The following FSTL5 variants were observed in gnomAD, a reference collection of about 807,000 sequenced individuals.
The protein encoded by FSTL5 is follistatin like 5.
In FSTL5, 62 loss-of-function variants were observed where a neutral mutation model predicts 89.1. The observed-to-expected ratio is 0.70, with a 90% CI of 0.57 to 0.86. The LOEUF (loss-of-function observed/expected upper bound fraction) is 0.86, where lower values mean the gene tolerates loss of function less well. Among genes scored for constraint, FSTL5 ranks in the 40% least tolerant of loss-of-function variants. The pLI, the probability that FSTL5 is intolerant of heterozygous loss-of-function variation, is 0.00. For missense variants in FSTL5, 1,057 were observed against 1,001.6 expected (o/e 1.06, Z -0.75); for synonymous variants, 383 against 346.2 (o/e 1.11, Z -1.18).
At chr4:161,591,171 T>C (rs946080014) in intron 7 of FSTL5, among the ~76,000 whole-genome samples, 2 of 152,158 alleles carry the variant, frequency 1.3e-5, no homozygotes, top group African/African-American at 4.8e-5. Context: ...TTTGCATGAA[T>C]CTTGAAATTA....
At position 161,400,802 on chromosome 4, in the gene FSTL5, A is replaced by T. The variant is rs1731157925; in HGVS notation, c.1842-14353T>A. 2.0e-5 allele frequency among the ~76,000 whole-genome samples: 3 copies of T among 152,126 alleles called. No homozygotes were observed. The South Asian group carries it at 6.2e-4, about 31-fold the overall frequency. On this transcript the variant is annotated intron_variant, in intron 15 of 15. Transcript: ENST00000306100. Reference sequence around the variant, plus strand: ...ATTTTAGTAAATAGCAGTGTACATGAGAAAACAATTCTATGGTAAAATTGG... The same window carrying T: ...ATTTTAGTAAATAGCAGTGTACATGTGAAAACAATTCTATGGTAAAATTGG...
chr4:161,788,144 G>A lies in FSTL5; in HGVS notation c.410-12070C>T, dbSNP rs1024364563. Among the ~76,000 whole-genome samples the A allele has an allele frequency of 1.2e-4, 18 of 152,162 alleles. No individual in the cohort carries two copies. The South Asian group carries it at 1.2e-3, about 11-fold the overall frequency. ...AGTTTTATTGGTTTTTAATTGACAC[G>A]TAATAATTGTACATCTTTATGGGTA... On this transcript the variant is annotated intron_variant, in intron 4 of 15. Transcript: ENST00000306100.
At chr4:161,639,579 C>T (rs1359840918) in intron 7 of FSTL5, among the ~76,000 whole-genome samples, 1 of 152,154 alleles carries the variant, frequency 6.6e-6, no homozygotes, top group Non-Finnish European at 1.5e-5. Flanking sequence ...GTCTCTACAC[C>T]TAGACAATAA....
At position 162,113,773 on chromosome 4, in the gene FSTL5, C is replaced by T. The variant is rs188926399; in HGVS notation, c.-16-2361G>A. Among the ~76,000 whole-genome samples, 158 of 152,280 alleles carry T rather than the reference C, an allele frequency of 1.0e-3. 1 individual carries two copies. The highest frequency in any genetic ancestry group is 3.7e-3 in the African/African-American group (153 of 41,562). The stretch of plus-strand genomic sequence containing the variant: ...CATTTATCACCCAAAAACTTTCACA[C>T]ATCAGACATTTCTCTCAAGAATCCC... On this transcript the variant is annotated intron_variant, in intron 1 of 15. Coordinates refer to ENST00000306100, the MANE Select transcript of FSTL5 (RefSeq NM_020116.5).
chr4:161,642,448 C>T (rs1401365879), intron 7 of FSTL5, among the ~76,000 whole-genome samples: 6 of 151,940 alleles, frequency 3.9e-5, no homozygotes, highest in African/African-American at 1.5e-4. Context: ...CTATAAAAGA[C>T]TCACTTTAGA....
chr4:162,108,524 T>G (rs948238678), intron 2 of FSTL5, among the ~76,000 whole-genome samples: 3 of 151,926 alleles, frequency 2.0e-5, no homozygotes, highest in Non-Finnish European at 4.4e-5. Context: ...ATTTTATACT[T>G]TTCTAGTCAA....
At chr4:161,497,270 T>G (rs1730117354) in intron 12 of FSTL5, among the ~76,000 whole-genome samples, 1 of 152,120 alleles carries the variant, frequency 6.6e-6, no homozygotes, top group South Asian at 2.1e-4. Flanking sequence ...AAAATGAGTT[T>G]AATTTACTCT....
chr4:161,706,445 T>A (rs181226786), intron 6 of FSTL5, among the ~76,000 whole-genome samples: 52 of 152,156 alleles, frequency 3.4e-4, no homozygotes, highest in Non-Finnish European at 6.0e-4. Context: ...ATAAAAACGT[T>A]ATTGAATTAT....
chr4:161,717,028 G>A (rs907396638), intron 6 of FSTL5, among the ~76,000 whole-genome samples: 7 of 152,070 alleles, frequency 4.6e-5, no homozygotes, highest in Non-Finnish European at 1.0e-4. Flanking sequence ...AAATATTGTT[G>A]GTTTTTATCT....
At chr4:161,831,041 C>G (rs1446382181) in intron 4 of FSTL5, among the ~76,000 whole-genome samples, 2 of 151,770 alleles carry the variant, frequency 1.3e-5, no homozygotes, top group African/African-American at 4.8e-5. Context: ...ACTTTCATGT[C>G]CTTCCAGTAA....
intron 6 of FSTL5, among the ~76,000 whole-genome samples, chr4:161,699,754 C>T (rs1316789608): frequency 2.6e-5 from 4 of 152,156 alleles, no homozygotes; most frequent in African/African-American, 9.6e-5. Context: ...ATGGTGTTAC[C>T]ACGTATTTTT....
intron 2 of FSTL5, among the ~76,000 whole-genome samples, chr4:162,063,010 C>CT (rs984479365): frequency 7.9e-5 from 12 of 151,440 alleles, no homozygotes; most frequent in African/African-American, 2.9e-4. Context: ...TTAAATTGTG[C>CT]TTTTTTCCTT....
intron 6 of FSTL5, among the ~76,000 whole-genome samples, chr4:161,735,157 C>T (rs375153033): frequency 3.9e-4 from 60 of 152,256 alleles, no homozygotes; most frequent in African/African-American, 1.4e-3. Context: ...GAACTGCTCA[C>T]ATAACTCAGG....
chr4:161,570,521 C>T (rs1170128277), intron 8 of FSTL5, among the ~76,000 whole-genome samples: 1 of 152,076 alleles, frequency 6.6e-6, no homozygotes, highest in Non-Finnish European at 1.5e-5. Flanking sequence ...CAAAGTCTGG[C>T]TTTTAATCTG....
intron 3 of FSTL5, among the ~76,000 whole-genome samples, chr4:161,948,208 G>A (rs1248914394): frequency 1.3e-5 from 2 of 151,152 alleles, no homozygotes; most frequent in African/African-American, 2.4e-5. Context: ...GCTTGAGCCT[G>A]GGAGTTTGAG....
chr4:161,897,595 GA>G (rs1331276972), intron 4 of FSTL5, among the ~76,000 whole-genome samples: 127 of 128,556 alleles, frequency 9.9e-4, no homozygotes, highest in African/African-American at 2.8e-3. Context: ...AAAAAAAAAA[GA>G]AAAAAAATAT....
At chr4:161,451,798 C>T (rs1205356129) in intron 15 of FSTL5, among the ~76,000 whole-genome samples, 1 of 152,182 alleles carries the variant, frequency 6.6e-6, no homozygotes, top group South Asian at 2.1e-4. Flanking sequence ...TCCCTCAGTA[C>T]CAGCTAGTCT....
chr4:161,469,204 T>A (rs1326017850), intron 13 of FSTL5, among the ~76,000 whole-genome samples: 1 of 152,196 alleles, frequency 6.6e-6, no homozygotes, highest in Middle Eastern at 3.2e-3. Context: ...CTTATTTCAC[T>A]TATCATAATG....
chr4:161,734,514 T>C (rs1484653549), intron 6 of FSTL5, among the ~76,000 whole-genome samples: 2 of 152,168 alleles, frequency 1.3e-5, no homozygotes, highest in South Asian at 2.1e-4. Flanking sequence ...AATAGAGATG[T>C]AAATGTAAGT....
Sources: gnomAD v4.1 joint callset for allele counts (sites outside exome capture counted in the v4.1 genomes callset) on GRCh38, gnomAD v4.1.1 for gene constraint, MANE v1.5 for transcripts, NCBI Gene and HGNC (gene_info 2026-07-23, HGNC 2026-07-21) for gene names.